The following CDK5RAP3 variants were observed in gnomAD, a reference collection of about 807,000 sequenced individuals.
CDK5RAP3 encodes CDK5 regulatory subunit associated protein 3, also known as CDK5 regulatory subunit-associated protein 3.
In CDK5RAP3, 58 loss-of-function variants were observed where a neutral mutation model predicts 73.3. That is an observed-to-expected ratio of 0.79 (90% CI 0.64 to 0.98). The LOEUF (loss-of-function observed/expected upper bound fraction) is 0.98, where lower values mean the gene tolerates loss of function less well. Ranked by LOEUF, CDK5RAP3 falls within the 50% of genes least tolerant of loss-of-function variation. CDK5RAP3 has a pLI of 0.00. For missense variants in CDK5RAP3, 525 were observed against 615.8 expected, an observed-to-expected ratio of 0.85 and a Z score of 1.56; for synonymous variants, 224 against 247.5, an observed-to-expected ratio of 0.91 and a Z score of 0.89.
chr17:47,970,049 G>A (rs1465143499), upstream of CDK5RAP3, among the ~76,000 whole-genome samples: 1 of 152,082 alleles, frequency 6.6e-6, no homozygotes, highest in Non-Finnish European at 1.5e-5. Flanking sequence ...TTGTGTCCCA[G>A]CTCAGGCTAT....
At chr17:47,975,042 G>T in intron 5 of CDK5RAP3, 117 bp from the exon 6 acceptor site, 1 of 1,605,224 alleles carries the variant, frequency 6.2e-7, no homozygotes, top group Non-Finnish European at 8.5e-7. Context: ...CTGGGAACAA[G>T]TGGGGCTGGG....
chr17:47,968,155 A>C (rs2036209249), upstream of CDK5RAP3, among the ~76,000 whole-genome samples: 1 of 152,138 alleles, frequency 6.6e-6, no homozygotes, highest in Non-Finnish European at 1.5e-5. Context: ...TGTGTGTTTA[A>C]TCATGGAGGA....
In CDK5RAP3 at chr17:47,971,363, A is replaced by G; in HGVS notation, c.8A>G (p.Asp3Gly). 6.2e-7 allele frequency: 1 copy of G among 1,610,608 alleles called. No homozygotes were observed. The highest frequency in any genetic ancestry group is 8.5e-7 in the Non-Finnish European group (1 of 1,178,656). Residue 3 changes from aspartate (D) to glycine (G), a missense_variant and splice_region_variant, in exon 2 of 14, where the codon GAC becomes GGC. Coordinates refer to ENST00000338399, the MANE Select transcript of CDK5RAP3 (RefSeq NM_176096.3). ...CCTCCTCACCGTGTTTCCCGCCAGG[A>G]CCATCAGCACGTGCCCATCGACATC... is the stretch of plus-strand genomic sequence containing the variant. Reference protein sequence around the residue: MEDHQHVPIDIQT... With the variant: MEGHQHVPIDIQT...
At chr17:47,974,317 A>G in intron 4 of CDK5RAP3, 83 bp from the exon 5 acceptor site, 2 of 1,203,404 alleles carry the variant, frequency 1.7e-6, no homozygotes, top group Non-Finnish European at 2.5e-6. Context: ...AGGCTGGGAG[A>G]ACTTACCCTG....
upstream of CDK5RAP3, among the ~76,000 whole-genome samples, chr17:47,969,476 G>A (rs1036423916): frequency 3.4e-5 from 5 of 144,930 alleles, no homozygotes; most frequent in African/African-American, 1.3e-4. Context: ...AGAATGGCGT[G>A]AACCCAGGAG....
chr17:47,980,481 G>C, intron 11 of CDK5RAP3, 112 bp from the exon 12 acceptor site: 2 of 878,092 alleles, frequency 2.3e-6, no homozygotes, highest in South Asian at 1.4e-5. Flanking sequence ...TTCCCAGGCT[G>C]GTCTTGAACT....
rs529428968 is a variant in CDK5RAP3 at position 47,977,023 on chromosome 17, G to A, written c.909+201G>A. On this transcript the variant is annotated intron_variant, in intron 9 of 13. Coordinates refer to ENST00000338399, the MANE Select transcript of CDK5RAP3 (RefSeq NM_176096.3). ...GAGTCTCATTCTGTCGCCCAGGCTG[G>A]AGTGCAGTGGTGCAATCTCGGCTCA... 4.6e-5 allele frequency among the ~76,000 whole-genome samples: 7 copies of A among 152,314 alleles called. No individual in the cohort carries two copies. In the South Asian group the frequency reaches 1.5e-3, roughly 32 times the overall value.
intron 4 of CDK5RAP3, 70 bp from the exon 5 acceptor site, chr17:47,974,330 T>G (rs545865973): frequency 9.2e-6 from 12 of 1,307,060 alleles, no homozygotes; most frequent in Non-Finnish European, 1.2e-5. Flanking sequence ...TTACCCTGTT[T>G]AGGGATTGAG....
chr17:47,973,893 A>G, intron 3 of CDK5RAP3, 38 bp from the exon 4 acceptor site: 1 of 1,506,814 alleles, frequency 6.6e-7, no homozygotes, highest in Admixed American at 1.7e-5. Flanking sequence ...GGTGAAGAAG[A>G]TACTTTAGTT....
upstream of CDK5RAP3, among the ~76,000 whole-genome samples, chr17:47,970,288 G>C (rs1644379010): frequency 6.6e-6 from 1 of 152,080 alleles, no homozygotes; most frequent in Non-Finnish European, 1.5e-5. Flanking sequence ...AACCATCTAC[G>C]GTATAGAGGT....
In CDK5RAP3 at chr17:47,980,622, G is replaced by A. The variant is rs1355423694; in HGVS notation, c.1107G>A (p.Val369=). ...ELEIFLAQRA[V]ELSEEADVLS... ...AGATCTTCTTAGCCCAGAGAGCAGTGGAGTTGAGTGAGGAGGCAGATGTCC... is the reference window on the plus strand; with the variant it reads ...AGATCTTCTTAGCCCAGAGAGCAGTAGAGTTGAGTGAGGAGGCAGATGTCC... Residue 369 remains valine, a synonymous_variant, in exon 12 of 14, where the codon GTG becomes GTA. Transcript: ENST00000338399. 6.2e-7 allele frequency: 1 copy of A among 1,613,370 alleles called. No individual in the cohort carries two copies. The highest frequency in any genetic ancestry group is 8.5e-7 in the Non-Finnish European group (1 of 1,180,030).
In CDK5RAP3 at chr17:47,973,608, A is replaced by G. The variant is rs748523854; in HGVS notation, c.142A>G (p.Met48Val). ...REKINAAIQDMPESEEIAQLL... is the reference protein window; with the variant it reads ...REKINAAIQDVPESEEIAQLL... Reference sequence around the variant, plus strand: ...GAAGATCAATGCTGCCATCCAGGACATGCCAGAGAGCGAAGAGATCGCCCA... The same window carrying G: ...GAAGATCAATGCTGCCATCCAGGACGTGCCAGAGAGCGAAGAGATCGCCCA... The change falls in exon 3 of 14, where the codon ATG (methionine) becomes GTG (valine). Residue 48 changes from methionine (M) to valine (V), a missense_variant. By Grantham distance (21) the Met-to-Val change is conservative. Transcript: ENST00000338399. 8.7e-6 allele frequency: 14 copies of G among 1,614,092 alleles called. No homozygotes were observed. The East Asian group carries it at 1.3e-4, about 15-fold the overall frequency.
chr17:47,974,871 A>C, intron 5 of CDK5RAP3: 1 of 1,328,000 alleles, frequency 7.5e-7, no homozygotes, highest in Non-Finnish European at 9.7e-7. Flanking sequence ...TATAAATAAT[A>C]ATAATGGCTA....
rs374073867 is a variant in CDK5RAP3, at chr17:47,976,832, C to T, written c.909+10C>T. ...GGAATCAGATTCAAAGGTGAGGAGG[C>T]CTTCTCAGTCTGTCTCTCTCTGATC... On this transcript the variant is annotated intron_variant, in intron 9 of 13. Coordinates refer to ENST00000338399, the MANE Select transcript of CDK5RAP3 (RefSeq NM_176096.3). 3 of 1,538,826 alleles carry T rather than the reference C, an allele frequency of 1.9e-6. No individual in the cohort carries two copies. The highest frequency in any genetic ancestry group is 2.7e-6 in the Non-Finnish European group (3 of 1,120,062).
upstream of CDK5RAP3, chr17:47,970,992 G>A (rs1412785279): frequency 2.7e-6 from 4 of 1,487,622 alleles, no homozygotes; most frequent in African/African-American, 5.6e-5. Context: ...TGAGGCCTGA[G>A]TGGAGCGTAA....
At chr17:47,980,395 A>AT in intron 11 of CDK5RAP3, 198 bp from the exon 12 acceptor site, 1 of 601,804 alleles carries the variant, frequency 1.7e-6, no homozygotes. Flanking sequence ...CAGCCTCCTG[A>AT]GTAGCTGGGA....
In CDK5RAP3 at chr17:47,978,939, G is replaced by A. The variant is rs370068429; in HGVS notation, c.1077+22G>A. 57 of 1,588,014 alleles carry A rather than the reference G, an allele frequency of 3.6e-5. No homozygotes were observed. In the African/African-American group the frequency reaches 7.1e-4, roughly 20 times the overall value. On this transcript the variant is annotated intron_variant, in intron 11 of 13. Coordinates refer to ENST00000338399, the MANE Select transcript of CDK5RAP3 (RefSeq NM_176096.3). The stretch of plus-strand genomic sequence containing the variant: ...GGAGGTACTGTCATCTCTGGAAGAT[G>A]CAGGGGGGAGGCATGGCACCAGCAC...
rs367935965 is a variant in CDK5RAP3, at chr17:47,978,925, C to T, written c.1077+8C>T. On this transcript the variant is annotated splice_region_variant and intron_variant, in intron 11 of 13. Coordinates refer to ENST00000338399, the MANE Select transcript of CDK5RAP3 (RefSeq NM_176096.3). ...CTTGATGAGCTCATGGAGGTACTGTCATCTCTGGAAGATGCAGGGGGGAGG... is the reference window on the plus strand; with the variant it reads ...CTTGATGAGCTCATGGAGGTACTGTTATCTCTGGAAGATGCAGGGGGGAGG... 4.3e-6 allele frequency: 7 copies of T among 1,609,418 alleles called. No individual in the cohort carries two copies. The African/African-American group carries it at 6.7e-5, about 15-fold the overall frequency.
intron 9 of CDK5RAP3, among the ~76,000 whole-genome samples, chr17:47,977,042 C>A (rs568360281): frequency 6.6e-6 from 1 of 150,580 alleles, no homozygotes; most frequent in Non-Finnish European, 1.5e-5. Flanking sequence ...GGTGCAATCT[C>A]GGCTCACTGC....
Sources: gnomAD v4.1 joint callset for allele counts (sites outside exome capture counted in the v4.1 genomes callset) on GRCh38, gnomAD v4.1.1 for gene constraint, MANE v1.5 for transcripts, NCBI Gene and HGNC (gene_info 2026-07-23, HGNC 2026-07-21) for gene names.